Variants in TASP1 observed in about 807,000 individuals in gnomAD.
TASP1 encodes threonine aspartase 1.
A neutral mutation model predicts 56.6 loss-of-function variants in TASP1; 16 were observed. That is an observed-to-expected ratio of 0.28 (90% confidence interval 0.19 to 0.43). TASP1 has a LOEUF of 0.43. Ranked by LOEUF, TASP1 falls within the 20% of genes least tolerant of loss-of-function variation. The pLI, the probability that TASP1 is intolerant of heterozygous loss-of-function variation, is 1.00. For synonymous variants in TASP1, 179 were observed against 184.2 expected, an observed-to-expected ratio of 0.97 and a Z score of 0.23; for missense variants, 393 against 511.6, an observed-to-expected ratio of 0.77 and a Z score of 2.24.
At chr20:13,433,877 T>C (rs1337201927) in intron 12 of TASP1, among the ~76,000 whole-genome samples, 1 of 143,876 alleles carries the variant, frequency 7.0e-6, no homozygotes, top group Non-Finnish European at 1.5e-5. Context: ...AATGGACTAA[T>C]ACACTGAGCT....
intron 11 of TASP1, among the ~76,000 whole-genome samples, chr20:13,465,178 C>CAAA (rs771255579): frequency 3.5e-5 from 2 of 57,238 alleles, no homozygotes; most frequent in African/African-American, 1.2e-4. Context: ...TTCTCTCTCC[C>CAAA]AAAAAAAAAA....
chr20:13,189,631 T>G, the TASP1 span, among the ~76,000 whole-genome samples: 2 of 152,100 alleles, frequency 1.3e-5, no homozygotes, highest in Admixed American at 6.6e-5. Context: ...TCAGAATGGC[T>G]ATTATTAAAT....
At chr20:13,153,921 A>AAAGATGCT in the TASP1 span, 1 of 1,560,904 alleles carries the variant, frequency 6.4e-7, no homozygotes, top group African/African-American at 1.4e-5. Context: ...AGAAAGACTT[A>AAAGATGCT]AAGATGCTTG....
rs149446798 is a variant in TASP1 at position 13,526,952 on chromosome 20, C to G, written c.874+1481G>C. On this transcript the variant is annotated intron_variant, in intron 10 of 13. Coordinates refer to ENST00000337743, the MANE Select transcript of TASP1 (RefSeq NM_017714.3). ...ACAGCACCCATAGGAACATGCCCAC[C>G]AGGAAGTCAGAAAGGACTCACATGC... is the stretch of plus-strand genomic sequence containing the variant. Among the ~76,000 whole-genome samples, 774 of 152,124 alleles carry G rather than the reference C, an allele frequency of 5.1e-3. 4 individuals carry two copies. Among genetic ancestry groups the G allele is most frequent in the East Asian group, 0.012 (60 of 5,172 alleles).
At chr20:13,250,694 C>T in the TASP1 span, among the ~76,000 whole-genome samples, 8 of 152,270 alleles carry the variant, frequency 5.3e-5, no homozygotes, top group South Asian at 2.1e-4. Flanking sequence ...GGGTAAGATT[C>T]GTGTCTATCT....
chr20:13,615,564 G>A (rs2048494488), intron 4 of TASP1, among the ~76,000 whole-genome samples: 1 of 150,396 alleles, frequency 6.6e-6, no homozygotes, highest in Non-Finnish European at 1.5e-5. Context: ...GAGTGCAGTG[G>A]CACAATCTCA....
chr20:13,544,213 G>A (rs924826591), intron 8 of TASP1, among the ~76,000 whole-genome samples: 3 of 152,138 alleles, frequency 2.0e-5, no homozygotes, highest in African/African-American at 7.2e-5. Context: ...TATATTCAGT[G>A]TTTCCTTTTT....
chr20:13,348,529 G>A, the TASP1 span, among the ~76,000 whole-genome samples: 9 of 152,250 alleles, frequency 5.9e-5, no homozygotes, highest in African/African-American at 1.7e-4. Context: ...AAGGCAACCC[G>A]TGCCTAGAGA....
At chr20:13,255,369 C>G in the TASP1 span, among the ~76,000 whole-genome samples, 1 of 152,124 alleles carries the variant, frequency 6.6e-6, no homozygotes, top group South Asian at 2.1e-4. Flanking sequence ...GTTGAGTTTA[C>G]AGTTCAGTCA....
At chr20:13,443,673 G>C (rs935443609) in intron 11 of TASP1, among the ~76,000 whole-genome samples, 3 of 152,186 alleles carry the variant, frequency 2.0e-5, no homozygotes, top group African/African-American at 7.2e-5. Flanking sequence ...TATTGTATTT[G>C]TGCTATAATC....
At chr20:13,429,493 A>G (rs549314818) in intron 12 of TASP1, among the ~76,000 whole-genome samples, 1 of 151,816 alleles carries the variant, frequency 6.6e-6, no homozygotes, top group South Asian at 2.1e-4. Context: ...TTTTTTAAAA[A>G]GGACTAGTCA....
the TASP1 span, among the ~76,000 whole-genome samples, chr20:13,202,032 C>A: frequency 2.0e-5 from 3 of 152,172 alleles, no homozygotes; most frequent in Non-Finnish European, 4.4e-5. Context: ...GGATTACAGG[C>A]ATGAGCCACC....
At chr20:13,430,270 C>T (rs1467540877) in intron 12 of TASP1, among the ~76,000 whole-genome samples, 3 of 152,156 alleles carry the variant, frequency 2.0e-5, no homozygotes, top group Admixed American at 6.5e-5. Flanking sequence ...TCTCAAAATG[C>T]GGTGGTTTAA....
At chr20:13,519,412 G>C (rs905818300) in intron 10 of TASP1, among the ~76,000 whole-genome samples, 3 of 152,142 alleles carry the variant, frequency 2.0e-5, no homozygotes, top group African/African-American at 7.2e-5. Flanking sequence ...ACATCAAAAA[G>C]CTTATCCACC....
At chr20:13,569,735 T>G (rs370506849) in intron 6 of TASP1, 149 bp from the exon 7 acceptor site, 67 of 605,838 alleles carry the variant, frequency 1.1e-4, no homozygotes, top group African/African-American at 1.0e-3. Flanking sequence ...GATGACTGCA[T>G]GCTAAAAAAT....
the TASP1 span, among the ~76,000 whole-genome samples, chr20:13,221,239 T>C: frequency 7.1e-6 from 1 of 140,616 alleles, no homozygotes; most frequent in African/African-American, 2.7e-5. Context: ...CTCCTCCTCC[T>C]CCTCCTCCTC....
chr20:13,511,305 G>A (rs2044318067), intron 10 of TASP1, among the ~76,000 whole-genome samples: 4 of 152,110 alleles, frequency 2.6e-5, no homozygotes, highest in South Asian at 2.1e-4. Flanking sequence ...ATGAAGCAAC[G>A]GAGCAAGCAA....
intron 11 of TASP1, among the ~76,000 whole-genome samples, chr20:13,438,729 T>G (rs1483949475): frequency 5.9e-5 from 9 of 152,026 alleles, no homozygotes; most frequent in African/African-American, 1.9e-4. Flanking sequence ...ACCTATAGAA[T>G]GGGAGAAAAT....
At chr20:13,601,893 T>G (rs1424828235) in intron 4 of TASP1, among the ~76,000 whole-genome samples, 1 of 107,068 alleles carries the variant, frequency 9.3e-6, no homozygotes, top group Non-Finnish European at 1.8e-5. Context: ...TTTTTTTTTT[T>G]TGAGACAGAG....
Sources: gnomAD v4.1 joint callset for allele counts (sites outside exome capture counted in the v4.1 genomes callset) on GRCh38, gnomAD v4.1.1 for gene constraint, MANE v1.5 for transcripts, NCBI Gene and HGNC (gene_info 2026-07-23, HGNC 2026-07-21) for gene names.